THSD7B: variants seen among roughly 807,000 people sequenced by gnomAD.
THSD7B encodes the protein thrombospondin type-1 domain-containing protein 7B.
In THSD7B, 138 loss-of-function variants were observed where a neutral mutation model predicts 213.6. The ratio of observed to expected loss-of-function variants is 0.65; its 90% CI spans 0.56 to 0.74. The LOEUF (loss-of-function observed/expected upper bound fraction) is 0.74. THSD7B is among the 30% of genes least tolerant of loss of function. The pLI, the probability that THSD7B is intolerant of heterozygous loss-of-function variation, is 0.00. For synonymous variants in THSD7B, 742 were observed against 687.0 expected (o/e 1.08, Z -1.25); for missense variants, 1,931 against 1,991.5 (o/e 0.97, Z 0.58).
intron 10 of THSD7B, among the ~76,000 whole-genome samples, chr2:137,246,655 T>C (rs1271074386): frequency 3.3e-5 from 5 of 152,200 alleles, no homozygotes; most frequent in Admixed American, 2.0e-4. Context: ...AATGATAGTC[T>C]CATATTTTTC....
At chr2:136,987,096 C>T (rs1159932892) in intron 2 of THSD7B, among the ~76,000 whole-genome samples, 1 of 152,198 alleles carries the variant, frequency 6.6e-6, no homozygotes, top group Non-Finnish European at 1.5e-5. Flanking sequence ...TCAGTACCTC[C>T]ATTTCACAGA....
At chr2:137,140,427 A>G (rs1210077698) in intron 5 of THSD7B, among the ~76,000 whole-genome samples, 1 of 152,138 alleles carries the variant, frequency 6.6e-6, no homozygotes, top group Non-Finnish European at 1.5e-5. Flanking sequence ...AAATGTCAAT[A>G]TTTTACTATG....
At chr2:137,312,438 T>A (rs1316433812) in intron 12 of THSD7B, among the ~76,000 whole-genome samples, 1 of 147,546 alleles carries the variant, frequency 6.8e-6, no homozygotes, top group Non-Finnish European at 1.5e-5. Flanking sequence ...TCAATTTTGT[T>A]GATCCTTTCA....
At chr2:137,112,035 G>C (rs576125745) in intron 4 of THSD7B, among the ~76,000 whole-genome samples, 2 of 152,274 alleles carry the variant, frequency 1.3e-5, no homozygotes, top group South Asian at 4.1e-4. Context: ...TCAGAAAGCT[G>C]AGTTTTCTGG....
chr2:137,542,835 G>A (rs941955966), intron 15 of THSD7B, among the ~76,000 whole-genome samples: 2 of 151,722 alleles, frequency 1.3e-5, no homozygotes, highest in East Asian at 3.9e-4. Flanking sequence ...TAACTCAATA[G>A]AAGTGAGAGC....
intron 1 of THSD7B, among the ~76,000 whole-genome samples, chr2:136,798,615 A>G (rs746655591): frequency 1.4e-4 from 21 of 151,934 alleles, no homozygotes; most frequent in African/African-American, 4.3e-4. Context: ...GTACTGTCTC[A>G]GGTCAGGGAC....
intron 14 of THSD7B, among the ~76,000 whole-genome samples, chr2:137,417,593 TATTTTTA>T (rs1400154626): frequency 6.6e-6 from 1 of 151,940 alleles, no homozygotes; most frequent in African/African-American, 2.4e-5. Context: ...GCTAATTTTT[TATTTTTA>T]TTTTTTATTT....
chr2:137,169,855 A>G (rs1389601348), intron 6 of THSD7B, among the ~76,000 whole-genome samples: 1 of 152,148 alleles, frequency 6.6e-6, no homozygotes, highest in Non-Finnish European at 1.5e-5. Flanking sequence ...ATTAGTTTTT[A>G]TCATTTAAAA....
At chr2:137,399,294 G>C (rs1295205765) in intron 12 of THSD7B, among the ~76,000 whole-genome samples, 3 of 151,034 alleles carry the variant, frequency 2.0e-5, no homozygotes, top group African/African-American at 7.3e-5. Flanking sequence ...CTGGATTCAA[G>C]CGATTTTCCT....
intron 17 of THSD7B, among the ~76,000 whole-genome samples, chr2:137,589,956 C>G (rs1279660063): frequency 6.6e-6 from 1 of 152,118 alleles, no homozygotes; most frequent in Non-Finnish European, 1.5e-5. Flanking sequence ...AAGATGAAGA[C>G]CACATAAGCT....
At chr2:137,671,941 A>G (rs886873437) in intron 27 of THSD7B, among the ~76,000 whole-genome samples, 1 of 152,102 alleles carries the variant, frequency 6.6e-6, no homozygotes, top group Non-Finnish European at 1.5e-5. Context: ...TAACTTGTTC[A>G]TGTCTCTTTT....
intron 9 of THSD7B, among the ~76,000 whole-genome samples, chr2:137,236,885 TG>T (rs1681775501): frequency 6.6e-6 from 1 of 152,014 alleles, no homozygotes; most frequent in African/African-American, 2.4e-5. Flanking sequence ...CCGAGGCAGG[TG>T]GATCACCTGA....
In THSD7B at chr2:137,034,325, C is replaced by T. The variant is rs886833859; in HGVS notation, c.140-22095C>T. ...TTCACCATGTCAGTCAGGATGCTCT[C>T]GATCTCTTGACCTCGTGATCTGCCC... On this transcript the variant is annotated intron_variant, in intron 2 of 27. Coordinates refer to ENST00000409968, the MANE Select transcript of THSD7B (RefSeq NM_001316349.2). Among the ~76,000 whole-genome samples the T allele has an allele frequency of 7.2e-5, 11 of 152,184 alleles. 1 individual carries two copies. The highest frequency in any genetic ancestry group is 2.0e-4 in the Admixed American group (3 of 15,290).
intron 16 of THSD7B, among the ~76,000 whole-genome samples, chr2:137,570,801 G>C (rs751551598): frequency 6.6e-6 from 1 of 151,944 alleles, no homozygotes; most frequent in Non-Finnish European, 1.5e-5. Flanking sequence ...CTCTATTTCA[G>C]TTCTGTACCC....
intron 1 of THSD7B, among the ~76,000 whole-genome samples, chr2:136,814,602 G>C (rs1025182373): frequency 6.6e-6 from 1 of 152,092 alleles, no homozygotes; most frequent in African/African-American, 2.4e-5. Flanking sequence ...GTTTCACCGT[G>C]TTAGCGAGAA....
Position 137,129,858 on chromosome 2 carries a change from T to C in THSD7B, c.1369+14565T>C, listed in dbSNP as rs549663174. On this transcript the variant is annotated intron_variant, in intron 5 of 27. Coordinates refer to ENST00000409968, the MANE Select transcript of THSD7B (RefSeq NM_001316349.2). ...TGTTGGGTGGCGGGGTCCTAACTTA[T>C]GAAATAGTCCTAATTCTAAATATCT... Among the ~76,000 whole-genome samples, 160 of 152,334 alleles carry C rather than the reference T, an allele frequency of 1.1e-3. 1 individual carries two copies. Among genetic ancestry groups the C allele is most frequent in the Non-Finnish European group, 2.0e-3 (134 of 68,036 alleles).
At chr2:136,860,814 T>A (rs956369833) in intron 1 of THSD7B, among the ~76,000 whole-genome samples, 4 of 152,200 alleles carry the variant, frequency 2.6e-5, no homozygotes, top group Non-Finnish European at 5.9e-5. Context: ...CCCAAATTAC[T>A]CATAGTAAAA....
At chr2:137,416,867 A>T (rs1450171513) in intron 14 of THSD7B, among the ~76,000 whole-genome samples, 1 of 152,238 alleles carries the variant, frequency 6.6e-6, no homozygotes, top group East Asian at 1.9e-4. Context: ...GTGGATAAGC[A>T]ATGTTTTTGA....
chr2:137,180,139 C>G (rs1186979878), intron 7 of THSD7B, among the ~76,000 whole-genome samples: 2 of 152,106 alleles, frequency 1.3e-5, no homozygotes, highest in African/African-American at 4.8e-5. Context: ...TGTGATCCAT[C>G]TTATTATAAC....
Sources: allele counts gnomAD v4.1 joint callset (sites outside exome capture counted in the v4.1 genomes callset), GRCh38; gene constraint gnomAD v4.1.1; transcripts MANE v1.5; gene names NCBI Gene and HGNC (gene_info 2026-07-23, HGNC 2026-07-21).